The following USP32 variants were observed in gnomAD, a reference collection of about 807,000 sequenced individuals.
USP32 encodes the protein ubiquitin specific peptidase 32.
USP32 carries 59 observed loss-of-function variants against 204.8 expected under a neutral mutation model. That is an observed-to-expected ratio of 0.29 (90% CI 0.23 to 0.36). The LOEUF is 0.36. USP32 is among the 10% of genes least tolerant of loss of function. The pLI, the probability that USP32 is intolerant of heterozygous loss-of-function variation, is 1.00. For missense variants in USP32, 1,160 were observed against 1,946.4 expected (o/e 0.60, Z 7.60); for synonymous variants, 517 against 678.4 (o/e 0.76, Z 3.70).
chr17:60,183,419 C>T lies in USP32; in HGVS notation c.3869G>A (p.Gly1290Asp), dbSNP rs753257426. 6.2e-7 allele frequency: 1 copy of T among 1,611,738 alleles called. No individual in the cohort carries two copies. The highest frequency in any genetic ancestry group is 8.5e-7 in the Non-Finnish European group (1 of 1,178,606). Residue 1290 changes from glycine to aspartate, a missense_variant, in exon 31 of 34, where the codon GGT becomes GAT. Physicochemically the swap from Gly to Asp is moderately conservative, Grantham distance 94. Around this residue, in one of 8 missense-constraint regions of USP32, gnomAD observed 160 missense variants for 322.5 expected, o/e 0.50. Coordinates refer to ENST00000300896, the MANE Select transcript of USP32 (RefSeq NM_032582.4). ...AATTTTCTGTGATTTTATCCACCGA[C>T]CATTTACAAATTGAAATCGCTTAAG... Reference protein sequence around the residue: ...IHLKRFQFVNGRWIKSQKIVK... With the variant: ...IHLKRFQFVNDRWIKSQKIVK...
Position 60,287,390 on chromosome 17 carries a change from C to T in USP32, c.571+1133G>A, listed in dbSNP as rs144700003. Among the ~76,000 whole-genome samples the T allele has an allele frequency of 3.3e-4, 51 of 152,246 alleles. No homozygotes were observed. The East Asian group carries it at 9.7e-3, about 29-fold the overall frequency. ...TGAGTATCCTCCATGTATTGATTTA[C>T]GATTTTTGCCTGTAGCTTCTATATT... is the stretch of plus-strand genomic sequence containing the variant. On this transcript the variant is annotated intron_variant, in intron 5 of 33. Coordinates refer to ENST00000300896, the MANE Select transcript of USP32 (RefSeq NM_032582.4).
intron 28 of USP32, 146 bp from the exon 29 acceptor site, chr17:60,190,829 T>A (rs1306116940): frequency 2.6e-6 from 3 of 1,136,308 alleles, no homozygotes; most frequent in Non-Finnish European, 2.4e-6. Context: ...CAGACTCTGA[T>A]AAATGTAGGG....
At chr17:60,365,146 CAGT>C (rs1037811629) in intron 1 of USP32, among the ~76,000 whole-genome samples, 7 of 152,038 alleles carry the variant, frequency 4.6e-5, no homozygotes, top group African/African-American at 7.3e-5. Flanking sequence ...AAGCTCTATT[CAGT>C]TAATCTGATT....
intron 12 of USP32, among the ~76,000 whole-genome samples, chr17:60,231,300 G>A (rs979310864): frequency 6.6e-6 from 1 of 152,176 alleles, no homozygotes; most frequent in African/African-American, 2.4e-5. Context: ...ACTAGTGACT[G>A]AAATGCTAGC....
intron 5 of USP32, 45 bp downstream of exon 5, chr17:60,288,478 A>G (rs780752950): frequency 1.3e-6 from 2 of 1,548,698 alleles, no homozygotes; most frequent in Non-Finnish European, 8.7e-7. Flanking sequence ...CCAATTATAT[A>G]TATAAAAAAA....
Position 60,279,270 on chromosome 17 carries a change from C to T in USP32, c.572-7789G>A, listed in dbSNP as rs541468000. On this transcript the variant is annotated intron_variant, in intron 5 of 33. Coordinates refer to ENST00000300896, the MANE Select transcript of USP32 (RefSeq NM_032582.4). ...ATCCCAGCACTTTGGGAGTCTGTGG[C>T]AGGGGAGGATTGATACCAGCCTGGG... Among the ~76,000 whole-genome samples, 120 of 151,858 alleles carry T rather than the reference C, an allele frequency of 7.9e-4. 2 individuals carry two copies. Among genetic ancestry groups the T allele is most frequent in the Non-Finnish European group, 6.2e-4 (42 of 67,968 alleles).
intron 1 of USP32, chr17:60,421,433 G>T: frequency 1.0e-6 from 1 of 985,642 alleles, no homozygotes; most frequent in Non-Finnish European, 1.2e-6. Flanking sequence ...GGGGAGGCCC[G>T]GGCCGACGGC....
At chr17:60,270,634 A>AC (rs2086701938) in intron 6 of USP32, among the ~76,000 whole-genome samples, 2 of 151,988 alleles carry the variant, frequency 1.3e-5, no homozygotes, top group South Asian at 4.2e-4. Flanking sequence ...GACCAGCCTG[A>AC]CCAATATGGA....
intron 13 of USP32, among the ~76,000 whole-genome samples, chr17:60,224,818 TG>T (rs2085342523): frequency 6.6e-6 from 1 of 152,052 alleles, no homozygotes; most frequent in East Asian, 1.9e-4. Context: ...AGGGTAAGAT[TG>T]AGGGTTCTGC....
At chr17:60,344,768 C>G (rs1355243674) in intron 2 of USP32, among the ~76,000 whole-genome samples, 1 of 152,212 alleles carries the variant, frequency 6.6e-6, no homozygotes. Context: ...AAATTTTATT[C>G]TTATTTCTCA....
intron 11 of USP32, among the ~76,000 whole-genome samples, chr17:60,237,778 TTGAATAA>T (rs1202115394): frequency 1.3e-5 from 2 of 152,240 alleles, no homozygotes; most frequent in Non-Finnish European, 2.9e-5. Context: ...CTTTTTATGG[TTGAATAA>T]TATTCCATGG....
chr17:60,357,691 T>C (rs1006226011), intron 1 of USP32, among the ~76,000 whole-genome samples: 5 of 152,176 alleles, frequency 3.3e-5, no homozygotes, highest in Non-Finnish European at 5.9e-5. Context: ...ATTCTCAGGC[T>C]GAAGCTGAAT....
intron 10 of USP32, among the ~76,000 whole-genome samples, chr17:60,254,837 C>A (rs1196715570): frequency 6.6e-6 from 1 of 151,880 alleles, no homozygotes; most frequent in Non-Finnish European, 1.5e-5. Context: ...TAAAAAAATT[C>A]TCTTGGTCAG....
chr17:60,206,129 G>A (rs1202226184), intron 25 of USP32, among the ~76,000 whole-genome samples: 2 of 149,312 alleles, frequency 1.3e-5, no homozygotes, highest in Non-Finnish European at 2.9e-5. Flanking sequence ...GACCAGCCTA[G>A]GCAACATGGT....
intron 2 of USP32, among the ~76,000 whole-genome samples, chr17:60,321,735 A>G (rs1326568895): frequency 6.6e-6 from 1 of 152,230 alleles, no homozygotes; most frequent in African/African-American, 2.4e-5. Context: ...ACAACAAAAA[A>G]ATTTTAAGCC....
Position 60,303,511 on chromosome 17 carries a change from TAAGA to T in USP32, c.187-1811_187-1808del, listed in dbSNP as rs1397259830. Among the ~76,000 whole-genome samples, 6 of 150,840 alleles carry T rather than the reference TAAGA, an allele frequency of 4.0e-5. No individual in the cohort carries two copies. In the East Asian group the frequency reaches 5.8e-4, roughly 15 times the overall value. ...TAGAGCAAACATTAGAAAAAACCTCTAAGAAAGAGCCCTAACCCCTAAAAAAAAA... is the reference window on the plus strand; with the variant it reads ...TAGAGCAAACATTAGAAAAAACCTCTAAGAGCCCTAACCCCTAAAAAAAAA... On this transcript the variant is annotated intron_variant, in intron 2 of 33. Coordinates refer to ENST00000300896, the MANE Select transcript of USP32 (RefSeq NM_032582.4).
chr17:60,262,604 T>C (rs529041532), intron 9 of USP32, among the ~76,000 whole-genome samples: 40 of 152,280 alleles, frequency 2.6e-4, no homozygotes, highest in Middle Eastern at 6.8e-3. Flanking sequence ...TCTCCATAGT[T>C]TGGTATAAAG....
chr17:60,332,269 T>C (rs1315521667), intron 2 of USP32, among the ~76,000 whole-genome samples: 1 of 151,680 alleles, frequency 6.6e-6, no homozygotes, highest in Non-Finnish European at 1.5e-5. Context: ...GAAAAAAGTG[T>C]ACAGTCAATC....
intron 19 of USP32, 45 bp from the exon 20 acceptor site, chr17:60,211,559 G>C: frequency 6.4e-7 from 1 of 1,569,926 alleles, no homozygotes; most frequent in Non-Finnish European, 8.6e-7. Flanking sequence ...GTAGTAATAT[G>C]CCATGGCACA....
Sources: allele counts gnomAD v4.1 joint callset (sites outside exome capture counted in the v4.1 genomes callset), GRCh38; gene constraint gnomAD v4.1.1; regional missense constraint gnomAD v4.1.1; transcripts MANE v1.5; gene names NCBI Gene and HGNC (gene_info 2026-07-23, HGNC 2026-07-21).